Variants in SGCZ observed in about 807,000 individuals in gnomAD.
SGCZ encodes sarcoglycan zeta.
In SGCZ, 40 loss-of-function variants were observed where a neutral mutation model predicts 41.3. The observed-to-expected ratio is 0.97, with a 90% CI of 0.75 to 1.26. The LOEUF (loss-of-function observed/expected upper bound fraction) is 1.26, where lower values mean the gene tolerates loss of function less well. SGCZ is among the 50% of genes most tolerant of loss of function. The probability of loss-of-function intolerance (pLI) is 0.00; values close to 1 mark genes in which losing one functional copy is unlikely to be tolerated. For missense variants in SGCZ, 552 were observed against 369.8 expected, an observed-to-expected ratio of 1.49 and a Z score of -4.04; for synonymous variants, 206 against 137.5, an observed-to-expected ratio of 1.50 and a Z score of -3.49.
chr8:14,835,350 C>T (rs558357401), intron 1 of SGCZ, among the ~76,000 whole-genome samples: 1 of 152,138 alleles, frequency 6.6e-6, no homozygotes, highest in Non-Finnish European at 1.5e-5. Flanking sequence ...AGGTTAAAAA[C>T]CATTAACCAA....
chr8:14,347,682 A>T (rs1361904658), intron 2 of SGCZ, among the ~76,000 whole-genome samples: 1 of 151,902 alleles, frequency 6.6e-6, no homozygotes, highest in Admixed American at 6.6e-5. Flanking sequence ...TATTTTCATC[A>T]AATTTTTAGA....
At chr8:14,410,041 G>A (rs996492141) in intron 2 of SGCZ, among the ~76,000 whole-genome samples, 3 of 152,100 alleles carry the variant, frequency 2.0e-5, no homozygotes, top group Non-Finnish European at 4.4e-5. Flanking sequence ...GAAGTAACCA[G>A]CCAGCATTAC....
At chr8:14,453,057 G>T (rs1184083754) in intron 2 of SGCZ, among the ~76,000 whole-genome samples, 1 of 152,014 alleles carries the variant, frequency 6.6e-6, no homozygotes, top group Non-Finnish European at 1.5e-5. Context: ...GAGCCGAGAT[G>T]AGATGGTACC....
intron 2 of SGCZ, among the ~76,000 whole-genome samples, chr8:14,551,544 T>TATATATTATATATATTATAGATA (rs1803845790): frequency 1.6e-4 from 1 of 6,220 alleles, no homozygotes; most frequent in Non-Finnish European, 3.2e-4. Flanking sequence ...ATATATATAA[T>TATATATTATATATATTATAGATA]ATATATAATA....
chr8:14,916,617 G>T (rs1193912311), intron 1 of SGCZ, among the ~76,000 whole-genome samples: 2 of 152,138 alleles, frequency 1.3e-5, no homozygotes, highest in Non-Finnish European at 2.9e-5. Flanking sequence ...AGGCAAAAAA[G>T]CAACTTCACT....
At chr8:14,390,830 T>C (rs1203457595) in intron 2 of SGCZ, among the ~76,000 whole-genome samples, 1 of 152,030 alleles carries the variant, frequency 6.6e-6, no homozygotes, top group East Asian at 1.9e-4. Context: ...TTCTAGAAGA[T>C]TATAGAGATA....
chr8:14,092,365 G>C (rs1461556190), intron 7 of SGCZ, among the ~76,000 whole-genome samples: 1 of 152,052 alleles, frequency 6.6e-6, no homozygotes, highest in East Asian at 1.9e-4. Flanking sequence ...AATGTCAATA[G>C]TAGCTTGATG....
Position 15,082,603 on chromosome 8 carries a change from A to G in SGCZ, c.39+154982T>C, listed in dbSNP as rs187916611. Among the ~76,000 whole-genome samples the G allele has an allele frequency of 3.4e-3, 514 of 152,204 alleles. 2 individuals are homozygous for G. The highest frequency in any genetic ancestry group is 4.7e-3 in the Non-Finnish European group (321 of 68,004). On this transcript the variant is annotated intron_variant, in intron 1 of 7. Transcript: ENST00000382080. ...TTGTACACTGGGACACATGGCATAG[A>G]ATATAAAAACGTCCAGTGCAGAGGC...
intron 1 of SGCZ, among the ~76,000 whole-genome samples, chr8:14,654,797 G>T (rs886242003): frequency 6.6e-6 from 1 of 151,350 alleles, no homozygotes; most frequent in Non-Finnish European, 1.5e-5. Context: ...CACATGTAAA[G>T]GTCTCATAAT....
At chr8:14,276,298 A>C (rs1800227963) in intron 3 of SGCZ, among the ~76,000 whole-genome samples, 1 of 152,254 alleles carries the variant, frequency 6.6e-6, no homozygotes, top group Non-Finnish European at 1.5e-5. Context: ...ATTCCATTGA[A>C]TCATCACGTC....
chr8:14,551,632 T>A (rs1470361479), intron 2 of SGCZ, among the ~76,000 whole-genome samples: 1 of 81,438 alleles, frequency 1.2e-5, no homozygotes, highest in Non-Finnish European at 2.2e-5. Flanking sequence ...AATATATATA[T>A]TATATATATA....
intron 3 of SGCZ, among the ~76,000 whole-genome samples, chr8:14,319,692 G>A (rs1801854097): frequency 6.6e-6 from 1 of 151,930 alleles, no homozygotes; most frequent in African/African-American, 2.4e-5. Flanking sequence ...AAGACCCGAG[G>A]CAGTTAAATT....
intron 2 of SGCZ, among the ~76,000 whole-genome samples, chr8:14,523,100 C>G (rs1802838416): frequency 1.3e-5 from 2 of 151,864 alleles, no homozygotes; most frequent in African/African-American, 4.8e-5. Flanking sequence ...CTTACCTTTC[C>G]TTATTTATAA....
At chr8:14,135,951 G>C (rs892855389) in intron 5 of SGCZ, among the ~76,000 whole-genome samples, 1 of 151,798 alleles carries the variant, frequency 6.6e-6, no homozygotes, top group Non-Finnish European at 1.5e-5. Flanking sequence ...AAATAGAAGA[G>C]GATAAAATAC....
chr8:14,174,626 T>G (rs1804487813), intron 4 of SGCZ, among the ~76,000 whole-genome samples: 1 of 151,988 alleles, frequency 6.6e-6, no homozygotes, highest in African/African-American at 2.4e-5. Flanking sequence ...GAAACAACAC[T>G]GAGAAAATAA....
At chr8:14,488,217 T>C (rs1292760104) in intron 2 of SGCZ, among the ~76,000 whole-genome samples, 2 of 70,390 alleles carry the variant, frequency 2.8e-5, no homozygotes, top group Admixed American at 1.6e-4. Flanking sequence ...ATGATATTAT[T>C]AATAAAACAA....
At chr8:15,161,182 G>C (rs1260644523) in intron 1 of SGCZ, among the ~76,000 whole-genome samples, 1 of 151,862 alleles carries the variant, frequency 6.6e-6, no homozygotes, top group Admixed American at 6.6e-5. Context: ...ACTCTCTTCT[G>C]TCCCTTGAAT....
intron 2 of SGCZ, among the ~76,000 whole-genome samples, chr8:14,376,318 T>C (rs1017069721): frequency 4.0e-5 from 6 of 150,378 alleles, no homozygotes; most frequent in African/African-American, 1.2e-4. Flanking sequence ...CTCAAAAAAA[T>C]AAAATAAAAT....
At chr8:14,393,312 G>A (rs1212816536) in intron 2 of SGCZ, among the ~76,000 whole-genome samples, 1 of 151,976 alleles carries the variant, frequency 6.6e-6, no homozygotes, top group Non-Finnish European at 1.5e-5. Flanking sequence ...TGCAGACATA[G>A]ACAAGCAGGC....
Sources: gnomAD v4.1 joint callset for allele counts (sites outside exome capture counted in the v4.1 genomes callset) on GRCh38, gnomAD v4.1.1 for gene constraint, MANE v1.5 for transcripts, NCBI Gene and HGNC (gene_info 2026-07-23, HGNC 2026-07-21) for gene names.